Variants in FSIP1 observed in about 807,000 individuals in gnomAD.
FSIP1 encodes fibrous sheath interacting protein 1, also known as fibrous sheath-interacting protein 1.
FSIP1 carries 65 observed loss-of-function variants against 60.9 expected under a neutral mutation model. That is an observed-to-expected ratio of 1.07 (90% CI 0.87 to 1.31). The LOEUF (loss-of-function observed/expected upper bound fraction) is 1.31. FSIP1 is among the 40% of genes most tolerant of loss of function. FSIP1 has a pLI of 0.00. For missense variants in FSIP1, 675 were observed against 665.5 expected (o/e 1.01, Z -0.16); for synonymous variants, 209 against 221.2 (o/e 0.94, Z 0.49).
At chr15:39,669,629 C>T (rs1893638921) in intron 10 of FSIP1, among the ~76,000 whole-genome samples, 3 of 152,126 alleles carry the variant, frequency 2.0e-5, no homozygotes, top group East Asian at 1.9e-4. Flanking sequence ...TAATTATATG[C>T]CAAGTTTGAA....
chr15:39,769,887 T>G (rs1044892474), intron 3 of FSIP1, among the ~76,000 whole-genome samples: 1 of 152,134 alleles, frequency 6.6e-6, no homozygotes, highest in Non-Finnish European at 1.5e-5. Context: ...AAATAGCATC[T>G]CAGCATTACT....
intron 10 of FSIP1, among the ~76,000 whole-genome samples, chr15:39,652,940 T>C (rs1220804434): frequency 6.6e-6 from 1 of 151,316 alleles, no homozygotes; most frequent in Middle Eastern, 3.4e-3. Context: ...CTTTGGGAGG[T>C]TGAGGTGGGT....
At chr15:39,608,758 T>C (rs1201610602) in intron 11 of FSIP1, among the ~76,000 whole-genome samples, 4 of 152,158 alleles carry the variant, frequency 2.6e-5, no homozygotes, top group Admixed American at 2.0e-4. Context: ...TCAGCTCCCA[T>C]ACCCCCAACA....
At chr15:39,746,993 G>T (rs558797116) in intron 5 of FSIP1, among the ~76,000 whole-genome samples, 19 of 123,932 alleles carry the variant, frequency 1.5e-4, no homozygotes, top group Non-Finnish European at 2.7e-4. Context: ...TGGTTTTCCT[G>T]TTTGGGCTTC....
At chr15:39,671,736 T>C (rs1403201338) in intron 10 of FSIP1, among the ~76,000 whole-genome samples, 1 of 152,212 alleles carries the variant, frequency 6.6e-6, no homozygotes, top group African/African-American at 2.4e-5. Flanking sequence ...TAAACCTTCC[T>C]AGTTTTCTGA....
intron 5 of FSIP1, among the ~76,000 whole-genome samples, chr15:39,754,749 G>C (rs1364365969): frequency 2.0e-5 from 3 of 151,868 alleles, no homozygotes; most frequent in African/African-American, 7.3e-5. Flanking sequence ...GGAGGAAGAA[G>C]GAAAGAAAAA....
At chr15:39,696,048 C>T (rs1011120407) in intron 10 of FSIP1, among the ~76,000 whole-genome samples, 2 of 152,302 alleles carry the variant, frequency 1.3e-5, no homozygotes, top group Admixed American at 1.3e-4. Flanking sequence ...AGGGCTTATA[C>T]ATGAAAGTAT....
intron 10 of FSIP1, among the ~76,000 whole-genome samples, chr15:39,678,835 C>G (rs1204594531): frequency 1.3e-5 from 2 of 152,146 alleles, no homozygotes; most frequent in African/African-American, 4.8e-5. Context: ...CCATACAAAC[C>G]AAACCACAAA....
At chr15:39,711,861 T>C in intron 10 of FSIP1, among the ~76,000 whole-genome samples, 1 of 151,904 alleles carries the variant, frequency 6.6e-6, no homozygotes. Context: ...ATTTTTTTTG[T>C]ATTTTAGTGG....
intron 11 of FSIP1, among the ~76,000 whole-genome samples, chr15:39,607,424 C>T (rs1890866401): frequency 6.6e-6 from 1 of 152,244 alleles, no homozygotes; most frequent in Admixed American, 6.5e-5. Flanking sequence ...ATCTCTCTCT[C>T]AGTCGGTTCT....
intron 10 of FSIP1, among the ~76,000 whole-genome samples, chr15:39,705,931 G>A (rs1001691247): frequency 6.7e-6 from 1 of 149,326 alleles, no homozygotes; most frequent in Non-Finnish European, 1.5e-5. Context: ...CTGGGAGGCA[G>A]AGGTTGCAGT....
rs72106293 is a variant in FSIP1, at chr15:39,716,812, CT to C, written c.1051-3232del. The stretch of plus-strand genomic sequence containing the variant: ...AACCACTTTGAAAAACAGGCCATGT[CT>C]TTTTTTTTTTTTTTTTTTTTGAGAC... On this transcript the variant is annotated intron_variant, in intron 9 of 11. Transcript: ENST00000350221. Among the ~76,000 whole-genome samples the C allele has an allele frequency of 1.2e-3, 131 of 110,206 alleles. 1 individual carries two copies. The highest frequency in any genetic ancestry group is 1.9e-3 in the Non-Finnish European group (110 of 56,922). The allele number at this position is 110,206 out of a possible 152,430, so 72.3% of individuals were successfully genotyped here.
chr15:39,633,091 C>CGTTTTTTTT (rs1329095029), intron 10 of FSIP1, among the ~76,000 whole-genome samples: 4 of 112,888 alleles, frequency 3.5e-5, no homozygotes, highest in African/African-American at 1.5e-4. Flanking sequence ...GGCTATACTT[C>CGTTTTTTTT]TTTTTTTTTT....
intron 5 of FSIP1, among the ~76,000 whole-genome samples, chr15:39,742,375 T>C (rs1896833347): frequency 6.6e-6 from 1 of 152,220 alleles, no homozygotes; most frequent in Admixed American, 6.5e-5. Context: ...AGCAGTTAAC[T>C]TTCTTCTTTT....
rs565166709 is a variant in FSIP1 at position 39,617,848 on chromosome 15, A to G, written c.1586T>C (p.Ile529Thr). The G allele has an allele frequency of 2.7e-5, 43 of 1,614,154 alleles. No individual in the cohort carries two copies. The African/African-American group carries it at 4.0e-4, about 15-fold the overall frequency. ...GAAGGAGGGCCTTTTCAGTCTCCCAATGCCAAGAGTCTTCGACATAAAATA... is the reference window on the plus strand; with the variant it reads ...GAAGGAGGGCCTTTTCAGTCTCCCAGTGCCAAGAGTCTTCGACATAAAATA... ...KDYFMSKTLGIGRLKRPSFLD... is the reference protein window; with the variant it reads ...KDYFMSKTLGTGRLKRPSFLD... Residue 529 changes from isoleucine (I) to threonine (T), a missense_variant, in exon 11 of 12, where the codon ATT (isoleucine) becomes ACT (threonine). By Grantham distance (89) the Ile-to-Thr change is moderately conservative. Coordinates refer to ENST00000350221, the MANE Select transcript of FSIP1 (RefSeq NM_152597.5).
chr15:39,693,312 A>G (rs1333484558), intron 10 of FSIP1, among the ~76,000 whole-genome samples: 1 of 152,236 alleles, frequency 6.6e-6, no homozygotes, highest in Non-Finnish European at 1.5e-5. Context: ...ACAGCCAAGT[A>G]TATAAGCCAC....
chr15:39,671,922 A>T (rs1893735349), intron 10 of FSIP1, among the ~76,000 whole-genome samples: 1 of 152,216 alleles, frequency 6.6e-6, no homozygotes, highest in Non-Finnish European at 1.5e-5. Context: ...TTGCCTCAGC[A>T]GGGAGCTAGC....
intron 11 of FSIP1, among the ~76,000 whole-genome samples, chr15:39,605,603 G>C (rs1280330957): frequency 2.0e-5 from 3 of 152,214 alleles, no homozygotes; most frequent in Non-Finnish European, 2.9e-5. Context: ...AGCCCATGAA[G>C]TAGAGAGGGC....
intron 10 of FSIP1, among the ~76,000 whole-genome samples, chr15:39,691,140 T>C (rs1039175639): frequency 1.3e-5 from 2 of 152,254 alleles, no homozygotes; most frequent in Admixed American, 6.5e-5. Context: ...TCATGGTTAC[T>C]CATTTGCACT....
Sources: allele counts gnomAD v4.1 joint callset (sites outside exome capture counted in the v4.1 genomes callset), GRCh38; gene constraint gnomAD v4.1.1; transcripts MANE v1.5; gene names NCBI Gene and HGNC (gene_info 2026-07-23, HGNC 2026-07-21).